Variants in STK39 observed in about 807,000 individuals in gnomAD.
The protein encoded by STK39 is serine/threonine kinase 39, also known as STE20/SPS1-related proline-alanine-rich protein kinase.
In STK39, 20 loss-of-function variants were observed where a neutral mutation model predicts 77.8. The ratio of observed to expected loss-of-function variants is 0.26; its 90% CI spans 0.18 to 0.37. The LOEUF (loss-of-function observed/expected upper bound fraction) is 0.37. Ranked by LOEUF, STK39 falls within the 10% of genes least tolerant of loss-of-function variation. The pLI, the probability that STK39 is intolerant of heterozygous loss-of-function variation, is 1.00. For missense variants in STK39, 479 were observed against 656.5 expected (o/e 0.73, Z 2.95); for synonymous variants, 246 against 234.1 (o/e 1.05, Z -0.47).
intron 4 of STK39, chr2:168,163,527 A>T (rs7609254): frequency 0.19 from 169,273 of 886,830 alleles, 18,663 homozygotes; most frequent in East Asian, 0.55. Context: ...ATCTATTTAG[A>T]CTAAGTTAAA....
intron 8 of STK39, among the ~76,000 whole-genome samples, chr2:168,135,020 A>AAT (rs1297703325): frequency 1.3e-5 from 2 of 152,128 alleles, no homozygotes; most frequent in Non-Finnish European, 2.9e-5. Context: ...ATCACCCCCA[A>AAT]ATTGCAAGCT....
chr2:167,979,562 A>C (rs537612043), intron 16 of STK39, among the ~76,000 whole-genome samples: 2 of 152,340 alleles, frequency 1.3e-5, no homozygotes, highest in Admixed American at 6.5e-5. Flanking sequence ...AAGAAACAGA[A>C]GTTTTTATTA....
chr2:168,169,825 G>A (rs1237351792), intron 2 of STK39, among the ~76,000 whole-genome samples: 2 of 152,172 alleles, frequency 1.3e-5, no homozygotes, highest in Non-Finnish European at 2.9e-5. Flanking sequence ...ACAACCACAG[G>A]AGCAGTATAA....
intron 1 of STK39, among the ~76,000 whole-genome samples, chr2:168,235,162 C>T (rs551402569): frequency 1.2e-4 from 19 of 152,076 alleles, no homozygotes; most frequent in Non-Finnish European, 2.4e-4. Context: ...TTCAGCCTCC[C>T]GAGTAGCTGG....
At chr2:168,116,013 A>C (rs1687249633) in intron 10 of STK39, among the ~76,000 whole-genome samples, 1 of 152,190 alleles carries the variant, frequency 6.6e-6, no homozygotes, top group Non-Finnish European at 1.5e-5. Context: ...GCTGCCACTC[A>C]AGGTTACCCC....
At chr2:168,026,619 C>T (rs1304382109) in intron 14 of STK39, among the ~76,000 whole-genome samples, 1 of 152,162 alleles carries the variant, frequency 6.6e-6, no homozygotes, top group Non-Finnish European at 1.5e-5. Flanking sequence ...AGACTGATGG[C>T]TCTCAAACTG....
chr2:167,994,444 A>G (rs1441657455), intron 16 of STK39, among the ~76,000 whole-genome samples: 1 of 152,198 alleles, frequency 6.6e-6, no homozygotes, highest in Non-Finnish European at 1.5e-5. Flanking sequence ...TGTGGAGGTG[A>G]AACTCATATA....
At chr2:168,110,676 T>C (rs777097927) in intron 10 of STK39, among the ~76,000 whole-genome samples, 3 of 152,226 alleles carry the variant, frequency 2.0e-5, no homozygotes, top group Non-Finnish European at 4.4e-5. Flanking sequence ...GGTCTACTTC[T>C]GGGTTCTTTA....
chr2:168,227,211 C>T (rs1234155149), intron 1 of STK39, among the ~76,000 whole-genome samples: 2 of 152,078 alleles, frequency 1.3e-5, no homozygotes, highest in Non-Finnish European at 1.5e-5. Flanking sequence ...CATAGAAAAA[C>T]ATCTGCAAGG....
intron 2 of STK39, among the ~76,000 whole-genome samples, chr2:168,173,104 A>C (rs548234509): frequency 3.9e-4 from 60 of 152,318 alleles, no homozygotes; most frequent in African/African-American, 1.3e-3. Flanking sequence ...TCTTTCAATG[A>C]AATGGTGAGA....
At chr2:168,088,455 G>A (rs998304513) in intron 10 of STK39, among the ~76,000 whole-genome samples, 6 of 152,142 alleles carry the variant, frequency 3.9e-5, no homozygotes, top group African/African-American at 1.4e-4. Context: ...CCTCTTCCAT[G>A]TGAAAAAGGA....
intron 4 of STK39, among the ~76,000 whole-genome samples, chr2:168,162,481 GTCAT>G (rs1345465011): frequency 6.6e-6 from 1 of 151,832 alleles, no homozygotes; most frequent in Non-Finnish European, 1.5e-5. Flanking sequence ...TCACACTACT[GTCAT>G]TCTACCAAGT....
chr2:168,103,830 G>A (rs1686901028), intron 10 of STK39, among the ~76,000 whole-genome samples: 2 of 152,190 alleles, frequency 1.3e-5, no homozygotes, highest in Admixed American at 1.3e-4. Flanking sequence ...CTCACAATCT[G>A]TGTATCCACA....
chr2:168,079,621 G>A (rs1686174532), intron 10 of STK39, among the ~76,000 whole-genome samples: 1 of 152,180 alleles, frequency 6.6e-6, no homozygotes, highest in South Asian at 2.1e-4. Context: ...GCACCTGGGA[G>A]GGAGCTTGTT....
chr2:168,162,822 G>A (rs896641139), intron 4 of STK39, among the ~76,000 whole-genome samples: 1 of 151,954 alleles, frequency 6.6e-6, no homozygotes, highest in Admixed American at 6.6e-5. Context: ...GGGATCAAGA[G>A]TGTCAGTCCA....
chr2:168,209,542 G>A (rs1398243695), intron 1 of STK39, among the ~76,000 whole-genome samples: 1 of 151,936 alleles, frequency 6.6e-6, no homozygotes, highest in Non-Finnish European at 1.5e-5. Flanking sequence ...CGGGCACGGT[G>A]GCACATGCCC....
At chr2:168,078,813 G>C (rs1574446756) in intron 10 of STK39, among the ~76,000 whole-genome samples, 1 of 151,842 alleles carries the variant, frequency 6.6e-6, no homozygotes, top group East Asian at 1.9e-4. Flanking sequence ...CCTGGAAATG[G>C]GATTTGGGAA....
intron 14 of STK39, among the ~76,000 whole-genome samples, chr2:168,062,551 A>C (rs550016409): frequency 6.6e-6 from 1 of 152,178 alleles, no homozygotes; most frequent in Non-Finnish European, 1.5e-5. Context: ...ATCAGAAGTG[A>C]GGGGTGATTA....
intron 16 of STK39, 88 bp from the exon 17 acceptor site, chr2:167,964,814 A>C (rs1692102063): frequency 2.6e-6 from 3 of 1,160,220 alleles, no homozygotes; most frequent in Admixed American, 4.1e-5. Flanking sequence ...AATTTGACTA[A>C]TGATGCAATA....
Sources: allele counts gnomAD v4.1 joint callset (sites outside exome capture counted in the v4.1 genomes callset), GRCh38; gene constraint gnomAD v4.1.1; transcripts MANE v1.5; gene names NCBI Gene and HGNC (gene_info 2026-07-23, HGNC 2026-07-21).